ATXN2: variants seen among roughly 807,000 people sequenced by gnomAD.
ATXN2 encodes ataxin 2.
A neutral mutation model predicts 138.6 loss-of-function variants in ATXN2; 37 were observed. The observed-to-expected ratio is 0.27, with a 90% CI of 0.21 to 0.35. The LOEUF (loss-of-function observed/expected upper bound fraction) is 0.35, where lower values mean the gene tolerates loss of function less well. Among genes scored for constraint, ATXN2 ranks in the 10% least tolerant of loss-of-function variants. The pLI is 1.00. For synonymous variants in ATXN2, 549 were observed against 543.7 expected (o/e 1.01, Z -0.13); for missense variants, 1,216 against 1,480.3 (o/e 0.82, Z 2.93).
In ATXN2 at chr12:111,513,528, T is replaced by A. The variant is rs1477334597; in HGVS notation, c.1387A>T (p.Met463Leu). 2.5e-5 allele frequency: 41 copies of A among 1,612,028 alleles called. No homozygotes were observed. The highest frequency in any genetic ancestry group is 3.1e-5 in the Non-Finnish European group (37 of 1,179,316). The change falls in exon 11 of 25, where the codon ATG becomes TTG. Residue 463 changes from methionine (M) to leucine (L), a missense_variant. By Grantham distance (15) the Met-to-Leu change is conservative. Coordinates refer to ENST00000673436, the MANE Select transcript of ATXN2 (RefSeq NM_001372574.1). Reference sequence around the variant, plus strand: ...GGATGTCGCTGGGCCTTTGGGGACATCCTTGGAGGCCCTAAGGAAGAAACA... The same window carrying A: ...GGATGTCGCTGGGCCTTTGGGGACAACCTTGGAGGCCCTAAGGAAGAAACA... ...KRMSSEGPPR[M>L]SPKAQRHPRN...
chr12:111,481,076 G>A (rs936515792), intron 18 of ATXN2, among the ~76,000 whole-genome samples: 18 of 152,202 alleles, frequency 1.2e-4, no homozygotes, highest in African/African-American at 4.3e-4. Flanking sequence ...TTGGGAAGGT[G>A]AGGCAGGCGG....
rs534941076 is a variant in ATXN2, at chr12:111,535,493, G to A, written c.572-10177C>T. On this transcript the variant is annotated intron_variant, in intron 5 of 24. Coordinates refer to ENST00000673436, the MANE Select transcript of ATXN2 (RefSeq NM_001372574.1). The stretch of plus-strand genomic sequence containing the variant: ...AAAAGTTAGCAGGGCATGGTGGCGC[G>A]CGCCTGTCGTCTCAGCTTCTCGGGA... Among the ~76,000 whole-genome samples the A allele has an allele frequency of 1.1e-4, 16 of 152,078 alleles. 1 individual carries two copies. The South Asian group carries it at 1.5e-3, about 14-fold the overall frequency.
At chr12:111,561,078 A>G (rs1160613170) in intron 1 of ATXN2, among the ~76,000 whole-genome samples, 2 of 152,024 alleles carry the variant, frequency 1.3e-5, no homozygotes, top group African/African-American at 4.8e-5. Flanking sequence ...CCAGCTACTC[A>G]GGAGGCTAAG....
intron 5 of ATXN2, among the ~76,000 whole-genome samples, chr12:111,547,404 G>GT (rs1249767899): frequency 6.6e-6 from 1 of 151,690 alleles, no homozygotes; most frequent in Non-Finnish European, 1.5e-5. Flanking sequence ...TCCAGCCTGG[G>GT]TGACAGAGCG....
chr12:111,588,828 T>C (rs1884479793), intron 1 of ATXN2, among the ~76,000 whole-genome samples: 1 of 145,740 alleles, frequency 6.9e-6, no homozygotes. Flanking sequence ...CATCTCTACT[T>C]AAAATGCATA....
intron 5 of ATXN2, among the ~76,000 whole-genome samples, chr12:111,543,995 T>C (rs955816466): frequency 1.3e-5 from 2 of 152,100 alleles, no homozygotes; most frequent in African/African-American, 4.8e-5. Flanking sequence ...GGAGAGTCGC[T>C]TGAGCCAGGA....
chr12:111,544,812 G>A (rs1046594899), intron 5 of ATXN2, among the ~76,000 whole-genome samples: 1 of 152,228 alleles, frequency 6.6e-6, no homozygotes, highest in Non-Finnish European at 1.5e-5. Context: ...CTGGCAGTTA[G>A]AGGTTAATCG....
chr12:111,470,004 C>A, intron 20 of ATXN2, 104 bp downstream of exon 20: 1 of 1,311,524 alleles, frequency 7.6e-7, no homozygotes, highest in African/African-American at 1.5e-5. Flanking sequence ...TCTTGACCCT[C>A]AATGTCATAA....
intron 1 of ATXN2, among the ~76,000 whole-genome samples, chr12:111,582,997 T>G (rs1283793924): frequency 5.9e-4 from 77 of 131,450 alleles, no homozygotes; most frequent in East Asian, 4.4e-3. Flanking sequence ...TTGTTTGTTT[T>G]TTTTTTTTTT....
intron 5 of ATXN2, among the ~76,000 whole-genome samples, chr12:111,535,363 G>T (rs899694061): frequency 6.6e-6 from 1 of 152,116 alleles, no homozygotes; most frequent in South Asian, 2.1e-4. Context: ...GGTGGCTCAC[G>T]CCTGTAATCC....
At chr12:111,456,855 C>T (rs1013034292) in intron 22 of ATXN2, among the ~76,000 whole-genome samples, 3 of 152,158 alleles carry the variant, frequency 2.0e-5, no homozygotes, top group African/African-American at 7.2e-5. Flanking sequence ...TCACGCCATT[C>T]TCCTTCCTCA....
chr12:111,518,080 A>C (rs1000716539), intron 9 of ATXN2, among the ~76,000 whole-genome samples, 169 bp downstream of exon 9: 1 of 152,222 alleles, frequency 6.6e-6, no homozygotes, highest in Non-Finnish European at 1.5e-5. Context: ...ACAATGTTTT[A>C]CTAATTTAAT....
At chr12:111,512,831 G>A (rs943436858) in intron 11 of ATXN2, 3 of 152,308 alleles carry the variant, frequency 2.0e-5, no homozygotes, top group African/African-American at 7.2e-5. Context: ...CCCTTTATTT[G>A]TATTTGATAT....
chr12:111,525,086 C>A, intron 6 of ATXN2, 106 bp downstream of exon 6: 1 of 1,384,888 alleles, frequency 7.2e-7, no homozygotes, highest in Non-Finnish European at 9.6e-7. Flanking sequence ...GCTCTAAATA[C>A]ACTCACTACA....
At chr12:111,518,140 A>C in intron 9 of ATXN2, 109 bp downstream of exon 9, 2 of 1,025,664 alleles carry the variant, frequency 1.9e-6, no homozygotes, top group Non-Finnish European at 2.7e-6. Flanking sequence ...CTACTCACCA[A>C]ATCATTAAAG....
chr12:111,547,137 T>C (rs1881838577), intron 5 of ATXN2, among the ~76,000 whole-genome samples: 1 of 152,186 alleles, frequency 6.6e-6, no homozygotes, highest in Non-Finnish European at 1.5e-5. Context: ...TGTTAAAAGG[T>C]TTCCCCAGCA....
intron 1 of ATXN2, chr12:111,581,715 T>C: frequency 1.5e-6 from 1 of 666,026 alleles, no homozygotes. Flanking sequence ...GCCCTGATTG[T>C]GCGCATCATT....
chr12:111,591,898 A>G (rs981333657), intron 1 of ATXN2, among the ~76,000 whole-genome samples: 1 of 151,814 alleles, frequency 6.6e-6, no homozygotes, highest in African/African-American at 2.4e-5. Flanking sequence ...CCTAACCAAC[A>G]TGGTGAAACC....
At chr12:111,590,410 C>T (rs1566085080) in intron 1 of ATXN2, among the ~76,000 whole-genome samples, 1 of 151,932 alleles carries the variant, frequency 6.6e-6, no homozygotes, top group African/African-American at 2.4e-5. Context: ...GTTAGGGGGC[C>T]GGACGCAGCA....
Sources: allele counts gnomAD v4.1 joint callset (sites outside exome capture counted in the v4.1 genomes callset), GRCh38; gene constraint gnomAD v4.1.1; transcripts MANE v1.5; gene names NCBI Gene and HGNC (gene_info 2026-07-23, HGNC 2026-07-21).